The following MAML3 variants were observed in gnomAD, a reference collection of about 807,000 sequenced individuals.
MAML3 encodes mastermind-like protein 3.
Under a neutral mutation model 101.9 loss-of-function variants are expected in MAML3, and 27 were observed. The ratio of observed to expected loss-of-function variants is 0.27; its 90% CI spans 0.20 to 0.37. MAML3 has a LOEUF of 0.37. Among genes scored for constraint, MAML3 ranks in the 10% least tolerant of loss-of-function variants. MAML3 has a pLI of 1.00. For synonymous variants in MAML3, 501 were observed against 555.9 expected, an observed-to-expected ratio of 0.90 and a Z score of 1.39; for missense variants, 1,316 against 1,444.9, an observed-to-expected ratio of 0.91 and a Z score of 1.45.
At chr4:139,783,171 A>T (rs1349076960) in intron 2 of MAML3, among the ~76,000 whole-genome samples, 1 of 152,174 alleles carries the variant, frequency 6.6e-6, no homozygotes, top group Admixed American at 6.5e-5. Flanking sequence ...TCCTCTGTCT[A>T]TCTGTAGCAC....
At chr4:140,090,425 G>A (rs1227869223) in intron 1 of MAML3, among the ~76,000 whole-genome samples, 3 of 152,214 alleles carry the variant, frequency 2.0e-5, no homozygotes, top group Non-Finnish European at 2.9e-5. Context: ...AATAGCAACA[G>A]CTAACATTTA....
intron 1 of MAML3, among the ~76,000 whole-genome samples, chr4:140,046,365 A>T (rs1184274991): frequency 2.0e-5 from 3 of 152,222 alleles, no homozygotes; most frequent in African/African-American, 7.2e-5. Context: ...AATAAACATG[A>T]GCAAGAACTA....
chr4:139,931,836 G>A (rs540070015), intron 1 of MAML3, among the ~76,000 whole-genome samples: 129 of 150,666 alleles, frequency 8.6e-4, no homozygotes, highest in African/African-American at 2.9e-3. Flanking sequence ...ATGGTGAAAC[G>A]CCGTCTCTAC....
At chr4:140,019,423 T>C (rs1161912083) in intron 1 of MAML3, among the ~76,000 whole-genome samples, 1 of 152,138 alleles carries the variant, frequency 6.6e-6, no homozygotes, top group African/African-American at 2.4e-5. Flanking sequence ...TCCCCAGCGC[T>C]GAGAAAACAG....
chr4:139,982,566 A>T (rs77006288), intron 1 of MAML3, among the ~76,000 whole-genome samples: 7,114 of 152,194 alleles, frequency 0.047, 501 homozygotes, highest in African/African-American at 0.15. Flanking sequence ...AACCTACCAC[A>T]TAGGTTAGCA....
At chr4:140,016,442 T>G (rs1406502037) in intron 1 of MAML3, among the ~76,000 whole-genome samples, 2 of 152,138 alleles carry the variant, frequency 1.3e-5, no homozygotes, top group African/African-American at 4.8e-5. Context: ...CTAAAATGTA[T>G]GTGAAAATGC....
intron 1 of MAML3, among the ~76,000 whole-genome samples, chr4:140,046,736 C>G (rs1316756934): frequency 1.3e-5 from 2 of 151,678 alleles, no homozygotes; most frequent in Admixed American, 6.6e-5. Flanking sequence ...AGGGAGGATC[C>G]GGTTTCACAT....
intron 1 of MAML3, 127 bp from the exon 2 acceptor site, chr4:139,891,094 T>C: frequency 2.6e-6 from 3 of 1,145,988 alleles, no homozygotes; most frequent in South Asian, 3.4e-5. Context: ...GAAGTCATAC[T>C]TATAATTTCA....
chr4:139,967,469 GACACACACACAC>G lies in MAML3; in HGVS notation c.469-76514_469-76503del, dbSNP rs4057112. ...AATGTTGTTAGTTTTCTTTTTAAGG[GACACACACACAC>G]ACACACACACACACACACACACACA... On this transcript the variant is annotated intron_variant, in intron 1 of 4. Transcript: ENST00000509479. 1.3e-3 allele frequency among the ~76,000 whole-genome samples: 185 copies of G among 141,558 alleles called. No homozygotes were observed. In the Middle Eastern group the frequency reaches 0.018, roughly 14 times the overall value. 92.9% of individuals were successfully genotyped at this position (141,558 alleles called of 152,430 possible).
chr4:140,126,805 T>C (rs993329869), intron 1 of MAML3, among the ~76,000 whole-genome samples: 1 of 152,164 alleles, frequency 6.6e-6, no homozygotes, highest in Non-Finnish European at 1.5e-5. Flanking sequence ...AAAACCTAAA[T>C]TGGCTAGTAA....
At chr4:140,013,875 C>G (rs1439952864) in intron 1 of MAML3, among the ~76,000 whole-genome samples, 1 of 152,178 alleles carries the variant, frequency 6.6e-6, no homozygotes. Flanking sequence ...TGGACCATAA[C>G]AGATACTCAG....
intron 1 of MAML3, among the ~76,000 whole-genome samples, chr4:139,967,822 T>A (rs1466663397): frequency 6.6e-6 from 1 of 152,108 alleles, no homozygotes; most frequent in Non-Finnish European, 1.5e-5. Context: ...ATTGTTTTCT[T>A]GCCATACTTG....
chr4:140,025,250 A>G (rs1219166356), intron 1 of MAML3, among the ~76,000 whole-genome samples: 3 of 152,198 alleles, frequency 2.0e-5, no homozygotes, highest in African/African-American at 7.2e-5. Context: ...CATCATTGTT[A>G]TATGAGAACT....
At chr4:139,822,047 T>C (rs969676224) in intron 2 of MAML3, among the ~76,000 whole-genome samples, 36 of 152,056 alleles carry the variant, frequency 2.4e-4, no homozygotes, top group Non-Finnish European at 3.5e-4. Flanking sequence ...GGTAAAGCAA[T>C]TGGAAGTCAG....
intron 1 of MAML3, among the ~76,000 whole-genome samples, chr4:140,062,592 C>G (rs1187714851): frequency 6.6e-6 from 1 of 152,216 alleles, no homozygotes; most frequent in Non-Finnish European, 1.5e-5. Flanking sequence ...TTATTTATTT[C>G]TGCCCACCAG....
chr4:139,861,928 G>A (rs1027643108), intron 2 of MAML3, among the ~76,000 whole-genome samples: 17 of 152,112 alleles, frequency 1.1e-4, no homozygotes, highest in African/African-American at 3.4e-4. Flanking sequence ...TATCAATGCC[G>A]GCTGGGTGCA....
intron 1 of MAML3, among the ~76,000 whole-genome samples, chr4:139,923,435 T>G (rs982882842): frequency 1.8e-4 from 27 of 152,344 alleles, no homozygotes; most frequent in African/African-American, 6.0e-4. Context: ...GTTTGGTTCT[T>G]GTGTTCTCCT....
intron 1 of MAML3, among the ~76,000 whole-genome samples, chr4:139,966,852 C>T (rs371574707): frequency 9.9e-5 from 15 of 152,216 alleles, no homozygotes; most frequent in East Asian, 3.9e-4. Context: ...TGAATGACTG[C>T]GATACAGCCC....
intron 1 of MAML3, among the ~76,000 whole-genome samples, chr4:140,010,360 CAT>C: frequency 6.6e-6 from 1 of 152,258 alleles, no homozygotes; most frequent in Admixed American, 6.5e-5. Flanking sequence ...TACACACACA[CAT>C]ATTTATGTTT....
Sources: gnomAD v4.1 joint callset for allele counts (sites outside exome capture counted in the v4.1 genomes callset) on GRCh38, gnomAD v4.1.1 for gene constraint, MANE v1.5 for transcripts, NCBI Gene and HGNC (gene_info 2026-07-23, HGNC 2026-07-21) for gene names.